The following CAPN3 variants were observed in gnomAD, a reference collection of about 807,000 sequenced individuals.
CAPN3 encodes the protein calpain-3.
CAPN3 carries 88 observed loss-of-function variants against 114.0 expected under a neutral mutation model. The ratio of observed to expected loss-of-function variants is 0.77; its 90% confidence interval spans 0.65 to 0.92. CAPN3 has a LOEUF of 0.92. CAPN3 is among the 40% of genes least tolerant of loss of function. The probability of loss-of-function intolerance (pLI) is 0.00; values close to 1 mark genes in which losing one functional copy is unlikely to be tolerated. For missense variants in CAPN3, 1,028 were observed against 1,069.0 expected, an observed-to-expected ratio of 0.96 and a Z score of 0.53; for synonymous variants, 386 against 382.9, an observed-to-expected ratio of 1.01 and a Z score of -0.09.
intron 6 of CAPN3, among the ~76,000 whole-genome samples, chr15:42,391,247 G>T (rs556559231): frequency 6.6e-6 from 1 of 151,280 alleles, no homozygotes; most frequent in Non-Finnish European, 1.5e-5. Context: ...GTTTTGTTTT[G>T]CTACTATTCT....
chr15:42,391,266 A>G (rs1047232944), intron 6 of CAPN3, among the ~76,000 whole-genome samples: 4 of 152,178 alleles, frequency 2.6e-5, no homozygotes, highest in African/African-American at 4.8e-5. Context: ...CTAAAATGCT[A>G]TAACGAACAT....
chr15:42,411,101 C>A, intron 22 of CAPN3, 101 bp downstream of exon 22: 2 of 1,128,200 alleles, frequency 1.8e-6, no homozygotes, highest in Non-Finnish European at 2.7e-6. Context: ...CCAGGCTGAA[C>A]AAGGGCCAAT....
chr15:42,409,119 G>A (rs991309917), intron 16 of CAPN3, 184 bp from the exon 17 acceptor site: 5 of 645,986 alleles, frequency 7.7e-6, no homozygotes, highest in Admixed American at 2.2e-5. Context: ...GGAGAGGTGT[G>A]AAGAGTCCCT....
chr15:42,363,017 A>G (rs541166879), intron 1 of CAPN3, among the ~76,000 whole-genome samples: 60 of 152,322 alleles, frequency 3.9e-4, no homozygotes, highest in South Asian at 3.9e-3. Context: ...TTACAGTGAT[A>G]ATGATAATAA....
At chr15:42,365,704 C>G (rs560396164) in intron 1 of CAPN3, among the ~76,000 whole-genome samples, 1 of 152,232 alleles carries the variant, frequency 6.6e-6, no homozygotes, top group Admixed American at 6.5e-5. Context: ...TGGTGTTTGC[C>G]TTTCTTCCTG....
chr15:42,395,168 A>G (rs1336352680), intron 8 of CAPN3, among the ~76,000 whole-genome samples: 1 of 152,140 alleles, frequency 6.6e-6, no homozygotes, highest in East Asian at 1.9e-4. Context: ...CCTACTACAT[A>G]GGAGGCACAG....
chr15:42,386,943 G>C (rs1284556313), intron 3 of CAPN3, among the ~76,000 whole-genome samples: 1 of 152,044 alleles, frequency 6.6e-6, no homozygotes, highest in East Asian at 1.9e-4. Flanking sequence ...AGCTTCAAAG[G>C]CTCCCTCATG....
intron 15 of CAPN3, 48 bp downstream of exon 15, chr15:42,405,991 TATGTGCATGCATGTGAAGTGTGC>T (rs747328440): frequency 2.0e-6 from 3 of 1,496,932 alleles, no homozygotes; most frequent in Non-Finnish European, 2.8e-6. Context: ...CATGCATATG[TATGTGCATGCATGTGAAGTGTGC>T]ATGTGTGAGC....
At chr15:42,397,487 C>CA (rs964869157) in intron 9 of CAPN3, among the ~76,000 whole-genome samples, 18 of 152,008 alleles carry the variant, frequency 1.2e-4, no homozygotes, top group Admixed American at 3.3e-4. Context: ...TAAAAATACA[C>CA]AAAAAAAGTA....
At chr15:42,380,081 CAA>C (rs949903052) in intron 1 of CAPN3, among the ~76,000 whole-genome samples, 5 of 152,120 alleles carry the variant, frequency 3.3e-5, no homozygotes, top group African/African-American at 1.2e-4. Context: ...GCCTGGGCGA[CAA>C]GAGCGAAACT....
rs966160205 is a variant in CAPN3 at position 42,410,894 on chromosome 15, C to G, written c.2274C>G (p.Leu758=). 1.9e-6 allele frequency: 3 copies of G among 1,613,958 alleles called. No individual in the cohort carries two copies. The highest frequency in any genetic ancestry group is 2.5e-6 in the Non-Finnish European group (3 of 1,179,784). Residue 758 remains leucine (L), a synonymous_variant, in exon 22 of 24, where the codon CTC becomes CTG. Transcript: ENST00000397163. Reference sequence around the variant, plus strand: ...TGGTCCCCTCCACAGGATTCCACCTCAACAACCAGCTCTATGACATCATTA... The same window carrying G: ...TGGTCCCCTCCACAGGATTCCACCTGAACAACCAGCTCTATGACATCATTA... ...RNAVNDAGFH[L]NNQLYDIITM...
In CAPN3 at chr15:42,390,063, C is replaced by G. The variant is rs374702796; in HGVS notation, c.912C>G (p.Leu304=). 4.3e-6 allele frequency: 7 copies of G among 1,613,986 alleles called. No homozygotes were observed. The African/African-American group carries it at 8.0e-5, about 18-fold the overall frequency. ...ACTCACTGCTCCAGGACTCAGACCT[C>G]GACCCCAGAGGCTCAGATGAAAGAC... ...MDNSLLQDSD[L]DPRGSDERPT... Residue 304 remains leucine, a synonymous_variant, in exon 6 of 24, where the codon CTC becomes CTG. Coordinates refer to ENST00000397163, the MANE Select transcript of CAPN3 (RefSeq NM_000070.3).
rs897046954 is a variant in CAPN3 at position 42,395,990 on chromosome 15, A to G, written c.1116-810A>G. Among the ~76,000 whole-genome samples the G allele has an allele frequency of 1.1e-4, 17 of 152,336 alleles. No homozygotes were observed. The East Asian group carries it at 2.3e-3, about 21-fold the overall frequency. On this transcript the variant is annotated intron_variant, in intron 8 of 23. Coordinates refer to ENST00000397163, the MANE Select transcript of CAPN3 (RefSeq NM_000070.3). ...ATGCTTGATTATTTCCCAGCACAGG[A>G]AAGGAGATGTTTACAGACTTGGCCT...
chr15:42,394,390 G>C, intron 8 of CAPN3, 49 bp downstream of exon 8: 14 of 1,422,222 alleles, frequency 9.8e-6, no homozygotes, highest in Non-Finnish European at 9.7e-6. Flanking sequence ...AACAGGGTCC[G>C]GGACAAGGCT....
rs552455603 is a variant in CAPN3, at chr15:42,403,613, T to C, written c.1746-128T>C. 152 of 849,716 alleles carry C rather than the reference T, an allele frequency of 1.8e-4. 1 individual carries two copies. The Middle Eastern group carries it at 5.6e-3, about 31-fold the overall frequency. The allele number at this position is 849,716 out of a possible 1,614,324, so 52.6% of individuals were successfully genotyped here. On this transcript the variant is annotated intron_variant, in intron 13 of 23. Transcript: ENST00000397163. The stretch of plus-strand genomic sequence containing the variant: ...GGGGCTGGTTCCTGGGGTTGGGGTG[T>C]TCCAGGGGTTCTCTAGAGGCTGGTT...
At chr15:42,374,534 A>T (rs2053036166) in intron 1 of CAPN3, 1 of 152,194 alleles carries the variant, frequency 6.6e-6, no homozygotes, top group Non-Finnish European at 1.5e-5. Flanking sequence ...GGCCAAAGGT[A>T]GGGATGGAGG....
intron 1 of CAPN3, among the ~76,000 whole-genome samples, chr15:42,371,785 G>A (rs1379007819): frequency 1.3e-5 from 2 of 152,028 alleles, no homozygotes; most frequent in Non-Finnish European, 2.9e-5. Flanking sequence ...CCAATATGCT[G>A]AAACCACATC....
At chr15:42,373,713 A>G (rs2053014781) in intron 1 of CAPN3, among the ~76,000 whole-genome samples, 1 of 152,058 alleles carries the variant, frequency 6.6e-6, no homozygotes, top group African/African-American at 2.4e-5. Context: ...CAAGTTACCT[A>G]CCCTCTGCAT....
Position 42,390,082 on chromosome 15 carries a change from G to A in CAPN3, c.931G>A (p.Glu311Lys), listed in dbSNP as rs565111470. The change falls in exon 6 of 24, where the codon GAA (glutamate) becomes AAA (lysine). Residue 311 changes from glutamate to lysine, a missense_variant. Glu to Lys is a moderately conservative substitution (Grantham distance 56). Coordinates refer to ENST00000397163, the MANE Select transcript of CAPN3 (RefSeq NM_000070.3). Reference protein sequence around the residue: ...DSDLDPRGSDERPTRTIIPVQ... With the variant: ...DSDLDPRGSDKRPTRTIIPVQ... ...AGACCTCGACCCCAGAGGCTCAGATGAAAGACCGACCCGGGTGTGTACACC... is the reference window on the plus strand; with the variant it reads ...AGACCTCGACCCCAGAGGCTCAGATAAAAGACCGACCCGGGTGTGTACACC... 1 of 1,614,122 alleles carries A rather than the reference G, an allele frequency of 6.2e-7. No individual in the cohort carries two copies. The highest frequency in any genetic ancestry group is 2.2e-5 in the East Asian group (1 of 44,876).
Sources: allele counts gnomAD v4.1 joint callset (sites outside exome capture counted in the v4.1 genomes callset), GRCh38; gene constraint gnomAD v4.1.1; transcripts MANE v1.5; gene names NCBI Gene and HGNC (gene_info 2026-07-23, HGNC 2026-07-21).